Variants in ZC3HC1 observed in about 807,000 individuals in gnomAD.
ZC3HC1 encodes zinc finger C3HC-type containing 1.
Under a neutral mutation model 61.9 loss-of-function variants are expected in ZC3HC1, and 38 were observed. The ratio of observed to expected loss-of-function variants is 0.61; its 90% CI spans 0.47 to 0.81. The LOEUF (loss-of-function observed/expected upper bound fraction) is 0.81, where lower values mean the gene tolerates loss of function less well. Ranked by LOEUF, ZC3HC1 falls within the 30% of genes least tolerant of loss-of-function variation. ZC3HC1 has a pLI of 0.00. For synonymous variants in ZC3HC1, 213 were observed against 229.9 expected, an observed-to-expected ratio of 0.93 and a Z score of 0.67; for missense variants, 554 against 622.7, an observed-to-expected ratio of 0.89 and a Z score of 1.17.
At chr7:130,021,207 T>C (rs1471638075) in intron 9 of ZC3HC1, among the ~76,000 whole-genome samples, 2 of 152,108 alleles carry the variant, frequency 1.3e-5, no homozygotes, top group East Asian at 3.8e-4. Flanking sequence ...CACCCAGCCA[T>C]GCAATTTTGG....
intron 6 of ZC3HC1, among the ~76,000 whole-genome samples, chr7:130,024,949 G>A (rs1279689232): frequency 4.2e-5 from 6 of 144,234 alleles, no homozygotes; most frequent in Admixed American, 2.9e-4. Context: ...CTTGTTGCCC[G>A]GGCTGGAGTG....
At chr7:130,044,268 C>T (rs922435967) in intron 2 of ZC3HC1, among the ~76,000 whole-genome samples, 1 of 152,168 alleles carries the variant, frequency 6.6e-6, no homozygotes, top group African/African-American at 2.4e-5. Flanking sequence ...AATTCTCCCA[C>T]CTGGGCCTCC....
At chr7:130,035,131 T>G (rs1794378611) in intron 4 of ZC3HC1, among the ~76,000 whole-genome samples, 1 of 152,102 alleles carries the variant, frequency 6.6e-6, no homozygotes, top group Non-Finnish European at 1.5e-5. Flanking sequence ...GGTTCACGCT[T>G]GTAATCATAG....
chr7:130,041,183 CATA>C, intron 2 of ZC3HC1, 82 bp from the exon 3 acceptor site: 1 of 1,358,706 alleles, frequency 7.4e-7, no homozygotes, highest in Non-Finnish European at 9.8e-7. Context: ...TGTGTATACA[CATA>C]CTGTTTTTTT....
At chr7:130,043,949 G>T in intron 2 of ZC3HC1, 1 of 424,636 alleles carries the variant, frequency 2.4e-6, no homozygotes, top group Non-Finnish European at 4.7e-6. Flanking sequence ...TAGGGAAAAG[G>T]AGAAAACTAG....
chr7:130,029,974 A>G (rs186849762), intron 4 of ZC3HC1, among the ~76,000 whole-genome samples: 2 of 152,278 alleles, frequency 1.3e-5, no homozygotes, highest in Admixed American at 1.3e-4. Flanking sequence ...TACTGGTAAT[A>G]CCTAAGTTGG....
At chr7:130,039,368 A>G in intron 4 of ZC3HC1, 96 bp downstream of exon 4, 1 of 1,047,550 alleles carries the variant, frequency 9.5e-7, no homozygotes, top group South Asian at 1.5e-5. Flanking sequence ...AAAAGGAGAA[A>G]AAGAAAGTTC....
intron 4 of ZC3HC1, among the ~76,000 whole-genome samples, chr7:130,037,134 C>G (rs967380015): frequency 6.6e-6 from 1 of 152,140 alleles, no homozygotes; most frequent in Non-Finnish European, 1.5e-5. Flanking sequence ...CAATAGAGCC[C>G]TGGGCAGACC....
In ZC3HC1 at chr7:130,023,784, A is replaced by C; in HGVS notation, c.1021-61T>G. On this transcript the variant is annotated intron_variant, in intron 7 of 9. Transcript: ENST00000358303. This position sits in a 1 kb window ranked among gnomAD's most constrained non-coding sequence, Gnocchi z 4.2. The stretch of plus-strand genomic sequence containing the variant: ...GATATTAATGATTATGGTCAGAAAT[A>C]CTTCTTTCTTTAATCTTTTTTCTTT... 1 of 1,364,222 alleles carries C rather than the reference A, an allele frequency of 7.3e-7. No individual in the cohort carries two copies. The highest frequency in any genetic ancestry group is 1.0e-6 in the Non-Finnish European group (1 of 989,644). 84.5% of individuals were successfully genotyped at this position (1,364,222 alleles called of 1,614,324 possible).
intron 9 of ZC3HC1, among the ~76,000 whole-genome samples, chr7:130,020,297 G>T (rs1793583186): frequency 6.7e-6 from 1 of 149,374 alleles, no homozygotes. Flanking sequence ...TTTTGAAAGG[G>T]AGTCTCACTC....
At position 130,024,542 on chromosome 7, in the gene ZC3HC1, G is replaced by A. The variant is rs759680698; in HGVS notation, c.777-36C>T. 4 of 1,574,926 alleles carry A rather than the reference G, an allele frequency of 2.5e-6. No homozygotes were observed. The South Asian group carries it at 4.6e-5, about 18-fold the overall frequency. On this transcript the variant is annotated intron_variant, in intron 6 of 9. Transcript: ENST00000358303. Reference sequence around the variant, plus strand: ...ATGAAAAAGAGAGTTTTCTCAAAGTGTAACATTTCCAAATGACTAAGTGCA... The same window carrying A: ...ATGAAAAAGAGAGTTTTCTCAAAGTATAACATTTCCAAATGACTAAGTGCA...
intron 4 of ZC3HC1, among the ~76,000 whole-genome samples, chr7:130,038,507 T>A (rs967685776): frequency 6.6e-6 from 1 of 152,136 alleles, no homozygotes; most frequent in African/African-American, 2.4e-5. Context: ...TTAAACTTAG[T>A]TATAGCTTCT....
At chr7:130,028,479 T>C (rs1382350740) in intron 5 of ZC3HC1, among the ~76,000 whole-genome samples, 1 of 151,712 alleles carries the variant, frequency 6.6e-6, no homozygotes, top group Non-Finnish European at 1.5e-5. Context: ...GAGGTGGAGG[T>C]TGCAGTGAGC....
At chr7:130,042,937 G>A (rs1047134144) in intron 2 of ZC3HC1, among the ~76,000 whole-genome samples, 10 of 152,094 alleles carry the variant, frequency 6.6e-5, no homozygotes, top group African/African-American at 7.2e-5. Flanking sequence ...GGCCCTCCTC[G>A]GCCTTCCATG....
At chr7:130,045,000 T>A (rs1794809532) in intron 2 of ZC3HC1, among the ~76,000 whole-genome samples, 1 of 152,198 alleles carries the variant, frequency 6.6e-6, no homozygotes, top group Non-Finnish European at 1.5e-5. Flanking sequence ...TAAAGCAACA[T>A]GACAACTAAA....
intron 2 of ZC3HC1, 107 bp downstream of exon 2, chr7:130,048,926 C>G (rs756704078): frequency 1.7e-4 from 132 of 766,066 alleles, no homozygotes; most frequent in Non-Finnish European, 2.3e-4. Flanking sequence ...AATTTCTTAC[C>G]AAGGTTTTAT....
intron 4 of ZC3HC1, among the ~76,000 whole-genome samples, chr7:130,029,877 G>A (rs547228837): frequency 3.7e-4 from 56 of 152,044 alleles, no homozygotes; most frequent in Non-Finnish European, 6.2e-4. Flanking sequence ...TGTTCCTAAA[G>A]TCTACACAAG....
intron 4 of ZC3HC1, chr7:130,036,740 A>G (rs1436132605): frequency 1.3e-5 from 2 of 152,158 alleles, no homozygotes; most frequent in Non-Finnish European, 2.9e-5. Context: ...TTTGAATGTT[A>G]AAGAACCAAA....
Position 130,022,498 on chromosome 7 carries a change from G to A in ZC3HC1, c.1261C>T (p.Pro421Ser), listed in dbSNP as rs1234345268. The change falls in exon 9 of 10, where the codon CCC (proline) becomes TCC (serine). Residue 421 changes from proline to serine, a missense_variant. Coordinates refer to ENST00000358303, the MANE Select transcript of ZC3HC1 (RefSeq NM_016478.5). The stretch of plus-strand genomic sequence containing the variant: ...CACCAGTCTCTATGCTGAGAGGTGG[G>A]ATCAAAGAAGCTTCGGGAAGATGTG... ...SDTSSRSFFD[P>S]TSQHRDWCPW... The A allele has an allele frequency of 6.2e-7, 1 of 1,613,800 alleles. No individual in the cohort carries two copies. Among genetic ancestry groups the A allele is most frequent in the Non-Finnish European group, 8.5e-7 (1 of 1,179,846 alleles).
Sources: allele counts gnomAD v4.1 joint callset (sites outside exome capture counted in the v4.1 genomes callset), GRCh38; gene constraint gnomAD v4.1.1; non-coding constraint Gnocchi (gnomAD v3.1); transcripts MANE v1.5; gene names NCBI Gene and HGNC (gene_info 2026-07-23, HGNC 2026-07-21).